Variants in INO80 observed in about 807,000 individuals in gnomAD.
INO80 encodes INO80 complex ATPase subunit.
In INO80, 20 loss-of-function variants were observed where a neutral mutation model predicts 203.4. The ratio of observed to expected loss-of-function variants is 0.10; its 90% CI spans 0.07 to 0.14. The LOEUF is 0.14. Among genes scored for constraint, INO80 ranks in the 10% least tolerant of loss-of-function variants. INO80 has a pLI of 1.00. For synonymous variants in INO80, 726 were observed against 685.2 expected (o/e 1.06, Z -0.93); for missense variants, 1,419 against 1,914.4 (o/e 0.74, Z 4.83).
In INO80 at chr15:41,044,915, G is replaced by C. The variant is rs777716102; in HGVS notation, c.2896C>G (p.Pro966Ala). 4 of 1,604,598 alleles carry C rather than the reference G, an allele frequency of 2.5e-6. No homozygotes were observed. Among genetic ancestry groups the C allele is most frequent in the African/African-American group, 2.7e-5 (2 of 74,312 alleles). The change falls in exon 24 of 36, where the codon CCT becomes GCT. Residue 966 changes from proline to alanine, a missense_variant. Pro to Ala is a conservative substitution (Grantham distance 27). This residue lies in a region of INO80 where 302 missense variants were observed against 345.4 expected (regional missense o/e 0.87). Transcript: ENST00000648947. The part of the protein sequence containing the change: ...PLSFPNLCSC[P>A]LLKSLVFSSH... ...AAATAATTGCTTACCTTTAACAAAGGGCAGCTGCAAAGGTTTGGAAAGGAG... is the reference window on the plus strand; with the variant it reads ...AAATAATTGCTTACCTTTAACAAAGCGCAGCTGCAAAGGTTTGGAAAGGAG...
chr15:41,066,314 C>T (rs2045213165), intron 14 of INO80, among the ~76,000 whole-genome samples: 2 of 151,932 alleles, frequency 1.3e-5, no homozygotes, highest in Admixed American at 1.3e-4. Flanking sequence ...GCATGCACTA[C>T]CATATCCAAC....
At chr15:41,045,184 T>C in intron 23 of INO80, 109 bp from the exon 24 acceptor site, 2 of 811,842 alleles carry the variant, frequency 2.5e-6, no homozygotes, top group East Asian at 2.8e-5. Context: ...TGTAAATCTT[T>C]ATCATTTTAG....
intron 3 of INO80, 36 bp from the exon 4 acceptor site, chr15:41,095,704 G>C (rs1051833416): frequency 1.9e-6 from 3 of 1,607,570 alleles, no homozygotes; most frequent in Admixed American, 1.7e-5. Flanking sequence ...AAAAATTAAA[G>C]GATGACTGCC....
At chr15:41,000,616 G>A (rs1442209396) in intron 28 of INO80, among the ~76,000 whole-genome samples, 2 of 149,190 alleles carry the variant, frequency 1.3e-5, no homozygotes, top group Non-Finnish European at 3.0e-5. Flanking sequence ...AGTCACTAGA[G>A]CCTGGGAGGT....
chr15:40,987,242 T>C (rs1319920633), intron 30 of INO80, 49 bp from the exon 31 acceptor site: 1 of 1,107,414 alleles, frequency 9.0e-7, no homozygotes, highest in Admixed American at 1.7e-5. Flanking sequence ...CATTCCCTTA[T>C]GGCAAATATC....
chr15:41,100,063 G>C (rs1407251229), intron 1 of INO80, among the ~76,000 whole-genome samples: 1 of 152,000 alleles, frequency 6.6e-6, no homozygotes, highest in Admixed American at 6.6e-5. Context: ...GGAGTGATTC[G>C]AAATGAATGG....
intron 1 of INO80, among the ~76,000 whole-genome samples, chr15:41,105,558 C>T (rs1240056050): frequency 6.6e-6 from 1 of 152,122 alleles, no homozygotes; most frequent in African/African-American, 2.4e-5. Context: ...GACTTCAAAG[C>T]CCCACAAGAT....
chr15:41,057,817 A>AAAAAAAAAG (rs1555403662), intron 16 of INO80, among the ~76,000 whole-genome samples: 35 of 138,568 alleles, frequency 2.5e-4, no homozygotes, highest in African/African-American at 1.1e-3. Context: ...AAAAAAAAAA[A>AAAAAAAAAG]AAAGAAAGAA....
intron 5 of INO80, among the ~76,000 whole-genome samples, chr15:41,088,087 C>CTTTTTTTTTTTTT (rs943111352): frequency 2.0e-5 from 2 of 101,082 alleles, no homozygotes; most frequent in African/African-American, 4.0e-5. Flanking sequence ...GCTTGCTTTT[C>CTTTTTTTTTTTTT]TTTTTTTTTT....
intron 7 of INO80, among the ~76,000 whole-genome samples, chr15:41,081,660 G>A (rs2045486819): frequency 6.6e-6 from 1 of 151,960 alleles, no homozygotes; most frequent in Admixed American, 6.6e-5. Flanking sequence ...TCTAGCTAAG[G>A]GGAAAAACAA....
intron 24 of INO80, 86 bp downstream of exon 24, chr15:41,044,818 T>A: frequency 7.2e-7 from 1 of 1,381,634 alleles, no homozygotes. Context: ...TCTCAGGCCT[T>A]CATTTACTTT....
rs200544286 is a variant in INO80 at position 41,058,568 on chromosome 15, T to C, written c.1985+71A>G. 9.9e-5 allele frequency: 87 copies of C among 878,646 alleles called. 1 individual carries two copies. The highest frequency in any genetic ancestry group is 5.4e-4 in the East Asian group (20 of 37,276). The allele number at this position is 878,646 out of a possible 1,614,324, so 54.4% of individuals were successfully genotyped here. A position where few individuals can be genotyped will look rare whatever the true frequency, so the allele number is the denominator to read the frequency against. On this transcript the variant is annotated intron_variant, in intron 16 of 35. Transcript: ENST00000648947. ...ATACAAGTCTGTGTGTGTGTGTGTG[T>C]GCGTGTGTGTGTGTGTGTGTGTGTG...
chr15:41,110,351 G>A (rs1347616581), intron 1 of INO80, among the ~76,000 whole-genome samples: 1 of 151,834 alleles, frequency 6.6e-6, no homozygotes, highest in Non-Finnish European at 1.5e-5. Context: ...CACCATGTTG[G>A]TCAGGATGGT....
chr15:41,108,793 T>G (rs749787288), intron 1 of INO80: 1 of 152,148 alleles, frequency 6.6e-6, no homozygotes, highest in Admixed American at 6.6e-5. Context: ...AACAACACTA[T>G]AAAGTAGACA....
At chr15:41,084,769 A>G (rs1032389030) in intron 7 of INO80, among the ~76,000 whole-genome samples, 2 of 152,138 alleles carry the variant, frequency 1.3e-5, no homozygotes, top group African/African-American at 4.8e-5. Context: ...ATTATGTTAC[A>G]CATTCTGTTA....
At chr15:41,085,689 T>G in intron 6 of INO80, 106 bp from the exon 7 acceptor site, 1 of 758,780 alleles carries the variant, frequency 1.3e-6, no homozygotes, top group Non-Finnish European at 2.2e-6. Context: ...CACCTGACAC[T>G]GACAACACAT....
Position 41,058,769 on chromosome 15 carries a change from T to C in INO80, c.1855A>G (p.Thr619Ala), listed in dbSNP as rs1163939439. The C allele has an allele frequency of 1.9e-6, 3 of 1,612,026 alleles. No homozygotes were observed. The highest frequency in any genetic ancestry group is 2.5e-6 in the Non-Finnish European group (3 of 1,179,300). ...ACCACATGGAAGGGGGCATCCTGAGTGTAGAGGGTCTTCTGTAAATATAAA... is the reference window on the plus strand; with the variant it reads ...ACCACATGGAAGGGGGCATCCTGAGCGTAGAGGGTCTTCTGTAAATATAAA... ...RRFWSQKTLYTQDAPFHVVIT... is the reference protein window; with the variant it reads ...RRFWSQKTLYAQDAPFHVVIT... The change falls in exon 16 of 36, where the codon ACT becomes GCT. Residue 619 changes from threonine to alanine, a missense_variant. Thr to Ala is a moderately conservative substitution (Grantham distance 58). Transcript: ENST00000648947.
chr15:41,092,604 G>C (rs993895408), intron 4 of INO80, among the ~76,000 whole-genome samples: 1 of 152,052 alleles, frequency 6.6e-6, no homozygotes, highest in African/African-American at 2.4e-5. Flanking sequence ...TTGATAAATG[G>C]ATAAATAAAA....
chr15:41,113,799 C>G (rs1250524782), intron 1 of INO80, among the ~76,000 whole-genome samples: 1 of 152,166 alleles, frequency 6.6e-6, no homozygotes, highest in Non-Finnish European at 1.5e-5. Context: ...CACATTTCCA[C>G]CTTGATGTAC....
Sources: gnomAD v4.1 joint callset for allele counts (sites outside exome capture counted in the v4.1 genomes callset) on GRCh38, gnomAD v4.1.1 for gene constraint, gnomAD v4.1.1 regional missense constraint, MANE v1.5 for transcripts, NCBI Gene and HGNC (gene_info 2026-07-23, HGNC 2026-07-21) for gene names.